The following PLXNA4 variants were observed in gnomAD, a reference collection of about 807,000 sequenced individuals.
PLXNA4 encodes plexin A4, also known as plexin-A4.
PLXNA4 carries 44 observed loss-of-function variants against 191.8 expected under a neutral mutation model. The observed-to-expected ratio is 0.23, with a 90% CI of 0.18 to 0.29. PLXNA4 has a LOEUF of 0.29. Among genes scored for constraint, PLXNA4 ranks in the 10% least tolerant of loss-of-function variants. The probability of loss-of-function intolerance (pLI) is 1.00; values close to 1 mark genes in which losing one functional copy is unlikely to be tolerated. For synonymous variants in PLXNA4, 1,082 were observed against 1,009.5 expected (o/e 1.07, Z -1.36); for missense variants, 1,800 against 2,488.8 (o/e 0.72, Z 5.89).
chr7:132,221,791 C>A (rs1469497279), intron 9 of PLXNA4, among the ~76,000 whole-genome samples: 1 of 152,176 alleles, frequency 6.6e-6, no homozygotes, highest in Non-Finnish European at 1.5e-5. Flanking sequence ...GTAGCTATTT[C>A]CAGGCATGAA....
rs528799239 is a variant in PLXNA4 at position 132,418,614 on chromosome 7, G to A, written c.1371+70678C>T. Among the ~76,000 whole-genome samples the A allele has an allele frequency of 6.6e-5, 10 of 152,318 alleles. No individual in the cohort carries two copies. In the South Asian group the frequency reaches 8.3e-4, roughly 13 times the overall value. On this transcript the variant is annotated intron_variant, in intron 3 of 31. Transcript: ENST00000321063. ...AAATTCAACAGGCATCCTGGGCACC[G>A]CCTGGAGAAAGGAAGAGGAAAGCAG...
intron 3 of PLXNA4, among the ~76,000 whole-genome samples, chr7:132,365,351 G>GTA: frequency 7.7e-6 from 1 of 130,584 alleles, no homozygotes; most frequent in Non-Finnish European, 1.5e-5. Context: ...GTGTGTGTGT[G>GTA]TGTGTGTGTG....
At chr7:132,209,169 A>G (rs929013775) in intron 10 of PLXNA4, among the ~76,000 whole-genome samples, 3 of 152,242 alleles carry the variant, frequency 2.0e-5, no homozygotes, top group African/African-American at 7.2e-5. Flanking sequence ...GGAGTCAACC[A>G]AAGGCCAGGC....
intron 3 of PLXNA4, among the ~76,000 whole-genome samples, chr7:132,472,743 A>C (rs1313994492): frequency 6.6e-6 from 1 of 152,184 alleles, no homozygotes; most frequent in Admixed American, 6.5e-5. Context: ...ATGTAGGTGA[A>C]AGGCACAGGG....
intron 3 of PLXNA4, among the ~76,000 whole-genome samples, chr7:132,306,041 T>C (rs1182123203): frequency 6.6e-6 from 1 of 152,084 alleles, no homozygotes; most frequent in Non-Finnish European, 1.5e-5. Flanking sequence ...CAAATCTGAA[T>C]TCCCCACCTA....
chr7:132,125,017 G>A lies in PLXNA4; in HGVS notation c.*5462C>T, dbSNP rs1314893106. The stretch of plus-strand genomic sequence containing the variant: ...CTCCCTCTAATAAAATAATTTTATG[G>A]GGGAGCAAAAATTTGTAGTAAAAAA... On this transcript the variant is annotated 3_prime_UTR_variant, in exon 32 of 32. Transcript: ENST00000321063. 1.3e-5 allele frequency: 2 copies of A among 151,376 alleles called. No homozygotes were observed. Among genetic ancestry groups the A allele is most frequent in the African/African-American group, 2.4e-5 (1 of 41,138 alleles). 9.4% of individuals were successfully genotyped at this position (151,376 alleles called of 1,614,324 possible).
Position 132,484,696 on chromosome 7 carries a change from A to C in PLXNA4, c.1371+4596T>G, listed in dbSNP as rs1343713320. ...TGCCCTAACCACATGTTCCTAGTCTATTTGGTGTTCCAACATTGTATCTCC... is the reference window on the plus strand; with the variant it reads ...TGCCCTAACCACATGTTCCTAGTCTCTTTGGTGTTCCAACATTGTATCTCC... On this transcript the variant is annotated intron_variant, in intron 3 of 31. Coordinates refer to ENST00000321063, the MANE Select transcript of PLXNA4 (RefSeq NM_020911.2). The C allele has an allele frequency of 2.0e-6, 3 of 1,470,668 alleles. No homozygotes were observed. The Admixed American group carries it at 6.1e-5, about 30-fold the overall frequency. The allele number at this position is 1,470,668 out of a possible 1,614,324, so 91.1% of individuals were successfully genotyped here. A position where few individuals can be genotyped will look rare whatever the true frequency, so the allele number is the denominator to read the frequency against.
At chr7:132,172,131 C>T (rs1796305588) in intron 21 of PLXNA4, among the ~76,000 whole-genome samples, 1 of 152,152 alleles carries the variant, frequency 6.6e-6, no homozygotes, top group Non-Finnish European at 1.5e-5. Flanking sequence ...CTGTTGCCTG[C>T]CACCCTCCCC....
rs201526825 is a variant in PLXNA4 at position 132,210,947 on chromosome 7, G to A, written c.2294C>T (p.Thr765Ile). The change falls in exon 10 of 32, where the codon ACC becomes ATC. Residue 765 changes from threonine to isoleucine, a missense_variant. Coordinates refer to ENST00000321063, the MANE Select transcript of PLXNA4 (RefSeq NM_020911.2). ...GGGCAGGGTTGGGCGACTCACAGAG[G>A]TGTTCTGGCACTGTACGCTGGAGCT... is the stretch of plus-strand genomic sequence containing the variant. ...FNSSSVQCQN[T>I]SYSYEGMEIN... 1,071 of 1,611,064 alleles carry A rather than the reference G, an allele frequency of 6.6e-4. 1 individual carries two copies. The highest frequency in any genetic ancestry group is 8.4e-4 in the Non-Finnish European group (986 of 1,179,018).
At chr7:132,615,450 C>G (rs138026244) in intron 2 of PLXNA4, among the ~76,000 whole-genome samples, 1 of 152,106 alleles carries the variant, frequency 6.6e-6, no homozygotes, top group Non-Finnish European at 1.5e-5. Context: ...GCAGGCGGCC[C>G]GCAGTGCCCG....
intron 3 of PLXNA4, among the ~76,000 whole-genome samples, chr7:132,451,380 G>A (rs907116821): frequency 2.3e-4 from 35 of 152,296 alleles, no homozygotes; most frequent in Non-Finnish European, 4.4e-4. Flanking sequence ...GGCTGCTGAC[G>A]TCACATCAGT....
rs1326133790 is a variant in PLXNA4, at chr7:132,430,906, C to T, written c.1371+58386G>A. 2.0e-5 allele frequency among the ~76,000 whole-genome samples: 3 copies of T among 152,200 alleles called. No homozygotes were observed. The East Asian group carries it at 5.8e-4, about 29-fold the overall frequency. ...AGGACAGGAGCAGCAGCCTCGGCCA[C>T]ACCGCTGGGTGAAGCGGAAGAGTGG... On this transcript the variant is annotated intron_variant, in intron 3 of 31. Transcript: ENST00000321063.
chr7:132,146,529 G>T lies in PLXNA4; in HGVS notation c.5036C>A (p.Thr1679Asn). 1 of 1,614,148 alleles carries T rather than the reference G, an allele frequency of 6.2e-7. No individual in the cohort carries two copies. Among genetic ancestry groups the T allele is most frequent in the Non-Finnish European group, 8.5e-7 (1 of 1,180,038 alleles). The change falls in exon 28 of 32, where the codon ACC (threonine) becomes AAC (asparagine). Residue 1679 changes from threonine (T) to asparagine (N), a missense_variant. Around this residue, in one of 6 missense-constraint regions of PLXNA4, gnomAD observed 4 missense variants for 22.8 expected, o/e 0.18. Transcript: ENST00000321063. ...GSKMVSEIYL[T>N]RLLATKGTLQ... is the part of the protein sequence containing the mutation. ...TGATACCTTAGTGGCCAGGAGTCGG[G>T]TCAGGTAGATTTCAGACACCATCTT...
At chr7:132,437,612 T>C (rs1795526506) in intron 3 of PLXNA4, among the ~76,000 whole-genome samples, 1 of 149,552 alleles carries the variant, frequency 6.7e-6, no homozygotes, top group African/African-American at 2.5e-5. Context: ...CCCTGTACCC[T>C]CCGCACCAAG....
At chr7:132,416,612 G>A (rs1246675596) in intron 3 of PLXNA4, among the ~76,000 whole-genome samples, 1 of 152,198 alleles carries the variant, frequency 6.6e-6, no homozygotes, top group Non-Finnish European at 1.5e-5. Context: ...ACTCCTGACA[G>A]GTAAATCACT....
intron 3 of PLXNA4, among the ~76,000 whole-genome samples, chr7:132,475,292 T>C (rs942102105): frequency 6.6e-5 from 10 of 152,224 alleles, no homozygotes; most frequent in South Asian, 6.2e-4. Context: ...GGAAGCACAT[T>C]GATTTCCCAT....
At chr7:132,328,514 G>C (rs770782707) in intron 3 of PLXNA4, among the ~76,000 whole-genome samples, 1 of 152,214 alleles carries the variant, frequency 6.6e-6, no homozygotes, top group Non-Finnish European at 1.5e-5. Context: ...CTCTGTTCCA[G>C]TGGAATCAGA....
chr7:132,155,216 T>C (rs925957753), intron 25 of PLXNA4, among the ~76,000 whole-genome samples: 9 of 151,582 alleles, frequency 5.9e-5, no homozygotes, highest in African/African-American at 1.5e-4. Flanking sequence ...GGAGAGGAAA[T>C]GGGTCGCAGA....
chr7:132,284,586 C>T (rs1393543088), intron 4 of PLXNA4, among the ~76,000 whole-genome samples: 1 of 152,128 alleles, frequency 6.6e-6, no homozygotes, highest in Non-Finnish European at 1.5e-5. Flanking sequence ...CACCTCTGTC[C>T]ACTAGAACAC....
Sources: allele counts gnomAD v4.1 joint callset (sites outside exome capture counted in the v4.1 genomes callset), GRCh38; gene constraint gnomAD v4.1.1; regional missense constraint gnomAD v4.1.1; transcripts MANE v1.5; gene names NCBI Gene and HGNC (gene_info 2026-07-23, HGNC 2026-07-21).